The following EYA3 variants were observed in gnomAD, a reference collection of about 807,000 sequenced individuals.
EYA3 encodes EYA transcriptional coactivator and phosphatase 3, also known as protein phosphatase EYA3.
EYA3 carries 39 observed loss-of-function variants against 80.0 expected under a neutral mutation model. The ratio of observed to expected loss-of-function variants is 0.49; its 90% CI spans 0.38 to 0.64. EYA3 has a LOEUF of 0.64. Among genes scored for constraint, EYA3 ranks in the 30% least tolerant of loss-of-function variants. The pLI, the probability that EYA3 is intolerant of heterozygous loss-of-function variation, is 0.00. For missense variants in EYA3, 523 were observed against 676.1 expected (o/e 0.77, Z 2.51); for synonymous variants, 206 against 232.8 (o/e 0.88, Z 1.05).
chr1:27,977,263 T>G, intron 17 of EYA3: 1 of 1,543,012 alleles, frequency 6.5e-7, no homozygotes, highest in Non-Finnish European at 8.7e-7. Flanking sequence ...GAGATAATAA[T>G]GCCAACTGAT....
chr1:28,001,042 G>A (rs367761786), intron 11 of EYA3, among the ~76,000 whole-genome samples: 3 of 152,016 alleles, frequency 2.0e-5, no homozygotes, highest in East Asian at 3.9e-4. Context: ...TCCAGCCTGC[G>A]TGACAGAGTG....
At chr1:28,078,205 TA>T (rs530834801) in intron 1 of EYA3, among the ~76,000 whole-genome samples, 230 of 152,286 alleles carry the variant, frequency 1.5e-3, no homozygotes, top group South Asian at 6.8e-3. Flanking sequence ...AGCAAACCAT[TA>T]AAACTATTAA....
At chr1:28,055,675 T>C (rs1267008713) in intron 2 of EYA3, among the ~76,000 whole-genome samples, 1 of 152,222 alleles carries the variant, frequency 6.6e-6, no homozygotes, top group East Asian at 1.9e-4. Context: ...CTCCCCATGT[T>C]GGCCAGGCTG....
At chr1:28,001,761 C>T (rs1345711039) in intron 11 of EYA3, among the ~76,000 whole-genome samples, 1 of 141,240 alleles carries the variant, frequency 7.1e-6, no homozygotes, top group Non-Finnish European at 1.6e-5. Flanking sequence ...AAAAAAGTCT[C>T]GCTCTGTCAC....
chr1:27,998,273 G>A, intron 12 of EYA3: 1 of 981,878 alleles, frequency 1.0e-6, no homozygotes, highest in South Asian at 4.7e-5. Context: ...CTAAAGTTGA[G>A]AAGCACTGAC....
chr1:28,018,199 A>G (rs1198576585), intron 7 of EYA3, among the ~76,000 whole-genome samples: 1 of 152,164 alleles, frequency 6.6e-6, no homozygotes, highest in Non-Finnish European at 1.5e-5. Context: ...CTGTCTCAAA[A>G]AAAAAGAAAA....
intron 1 of EYA3, among the ~76,000 whole-genome samples, chr1:28,075,064 C>G (rs1392545487): frequency 6.6e-6 from 1 of 152,158 alleles, no homozygotes; most frequent in Non-Finnish European, 1.5e-5. Context: ...TGTGTTAGGG[C>G]ATACCTTTCA....
intron 7 of EYA3, among the ~76,000 whole-genome samples, chr1:28,026,218 T>G (rs1034622160): frequency 6.6e-6 from 1 of 152,218 alleles, no homozygotes; most frequent in Non-Finnish European, 1.5e-5. Context: ...AGAGAACCCT[T>G]GGTCTTCTTT....
intron 1 of EYA3, among the ~76,000 whole-genome samples, chr1:28,069,905 G>A (rs560955605): frequency 5.7e-4 from 87 of 152,214 alleles, no homozygotes; most frequent in Non-Finnish European, 8.4e-4. Context: ...CAGAGAAGAC[G>A]GCAATGTGAA....
chr1:28,042,193 T>A (rs1354528325), intron 4 of EYA3, among the ~76,000 whole-genome samples: 1 of 152,212 alleles, frequency 6.6e-6, no homozygotes, highest in South Asian at 2.1e-4. Flanking sequence ...GGAAACACTA[T>A]ATAGAACTCA....
intron 4 of EYA3, among the ~76,000 whole-genome samples, chr1:28,042,036 CA>C (rs1643812075): frequency 6.6e-6 from 1 of 152,096 alleles, no homozygotes. Context: ...GCTAACTTGT[CA>C]AAAATGCAGA....
chr1:28,061,665 T>C (rs1272328239), intron 1 of EYA3, among the ~76,000 whole-genome samples: 4 of 151,986 alleles, frequency 2.6e-5, no homozygotes, highest in Admixed American at 1.3e-4. Flanking sequence ...AGTGGCGCGA[T>C]CTCAGCTCAC....
chr1:28,034,595 A>T (rs1643343600), intron 6 of EYA3, among the ~76,000 whole-genome samples: 1 of 152,198 alleles, frequency 6.6e-6, no homozygotes, highest in Non-Finnish European at 1.5e-5. Context: ...TATTTCTAGC[A>T]GTTACCAGGA....
intron 6 of EYA3, among the ~76,000 whole-genome samples, chr1:28,028,659 C>T (rs949241032): frequency 6.6e-6 from 1 of 151,178 alleles, no homozygotes; most frequent in Non-Finnish European, 1.5e-5. Context: ...TCAAGCGATA[C>T]TTTTGCCCCA....
intron 1 of EYA3, among the ~76,000 whole-genome samples, chr1:28,067,989 T>C (rs1644892092): frequency 6.6e-6 from 1 of 152,184 alleles, no homozygotes; most frequent in South Asian, 2.1e-4. Flanking sequence ...AATCCAAAAC[T>C]CTGAACTCCC....
chr1:28,004,490 A>C (rs958877899), intron 10 of EYA3, 71 bp from the exon 11 acceptor site: 1 of 1,130,152 alleles, frequency 8.8e-7, no homozygotes, highest in Non-Finnish European at 1.3e-6. Context: ...AATCAATAAC[A>C]GAAAGAGAAC....
At chr1:28,054,124 T>G (rs1378961981) in intron 2 of EYA3, among the ~76,000 whole-genome samples, 1 of 152,214 alleles carries the variant, frequency 6.6e-6, no homozygotes. Flanking sequence ...GGTAAAGGGT[T>G]TGATCATAAC....
chr1:28,066,724 C>A (rs1181471325), intron 1 of EYA3, among the ~76,000 whole-genome samples: 1 of 151,664 alleles, frequency 6.6e-6, no homozygotes, highest in African/African-American at 2.4e-5. Context: ...ATGAAAAAAA[C>A]AAATCTAAGA....
At position 27,993,445 on chromosome 1, in the gene EYA3, G is replaced by A. The variant is rs1229159382; in HGVS notation, c.1258C>T (p.Arg420Trp). 8 of 1,613,278 alleles carry A rather than the reference G, an allele frequency of 5.0e-6. No homozygotes were observed. Among genetic ancestry groups the A allele is most frequent in the East Asian group, 2.2e-5 (1 of 44,810 alleles). Residue 420 changes from arginine (R) to tryptophan (W), a missense_variant, in exon 14 of 18, where the codon CGG becomes TGG. Arg to Trp is a moderately radical substitution (Grantham distance 101, BLOSUM62 -3). This residue lies in a region of EYA3 where 219 missense variants were observed against 332.8 expected (regional missense o/e 0.66). Transcript: ENST00000373871. Reference sequence around the variant, plus strand: ...TTATCATAGATTTCTCTCACTTTCCGGTAGCGGAAAGCTAGTTTCCTCATC... The same window carrying A: ...TTATCATAGATTTCTCTCACTTTCCAGTAGCGGAAAGCTAGTTTCCTCATC... ...DWMRKLAFRY[R>W]KVREIYDKHK... is the part of the protein sequence containing the mutation.
Sources: gnomAD v4.1 joint callset for allele counts (sites outside exome capture counted in the v4.1 genomes callset) on GRCh38, gnomAD v4.1.1 for gene constraint, gnomAD v4.1.1 regional missense constraint, MANE v1.5 for transcripts, NCBI Gene and HGNC (gene_info 2026-07-23, HGNC 2026-07-21) for gene names.